PREX1: variants seen among roughly 807,000 people sequenced by gnomAD.
The protein encoded by PREX1 is phosphatidylinositol 3,4,5-trisphosphate-dependent Rac exchanger 1 protein.
Under a neutral mutation model 198.3 loss-of-function variants are expected in PREX1, and 41 were observed. That is an observed-to-expected ratio of 0.21 (90% CI 0.16 to 0.27). PREX1 has a LOEUF of 0.27. PREX1 is among the 10% of genes least tolerant of loss of function. The probability of loss-of-function intolerance (pLI) is 1.00; values close to 1 mark genes in which losing one functional copy is unlikely to be tolerated. For missense variants in PREX1, 1,620 were observed against 2,200.7 expected (o/e 0.74, Z 5.28); for synonymous variants, 843 against 887.2 (o/e 0.95, Z 0.89).
At chr20:48,719,669 C>A (rs555459031) in intron 5 of PREX1, among the ~76,000 whole-genome samples, 1 of 152,118 alleles carries the variant, frequency 6.6e-6, no homozygotes, top group African/African-American at 2.4e-5. Context: ...GGACAATTGT[C>A]CAATAGAAAA....
intron 1 of PREX1, among the ~76,000 whole-genome samples, chr20:48,768,185 T>C (rs1464430588): frequency 6.6e-6 from 1 of 152,202 alleles, no homozygotes; most frequent in Non-Finnish European, 1.5e-5. Context: ...CAGTGTTCTT[T>C]TGAGGATTCA....
intron 13 of PREX1, 75 bp downstream of exon 13, chr20:48,679,285 G>T: frequency 7.4e-7 from 1 of 1,347,642 alleles, no homozygotes; most frequent in Non-Finnish European, 1.1e-6. Context: ...GCTCAGAGAG[G>T]TTAAGTTGCC....
At chr20:48,686,773 G>C (rs2089787531) in intron 10 of PREX1, among the ~76,000 whole-genome samples, 1 of 152,254 alleles carries the variant, frequency 6.6e-6, no homozygotes, top group Admixed American at 6.5e-5. Context: ...GAGGGCAACA[G>C]GGCAATAGAG....
At chr20:48,732,523 G>C (rs1012535513) in intron 4 of PREX1, among the ~76,000 whole-genome samples, 1 of 152,140 alleles carries the variant, frequency 6.6e-6, no homozygotes, top group East Asian at 1.9e-4. Context: ...GTCTGTGACC[G>C]AATGAGAAGG....
the PREX1 span, among the ~76,000 whole-genome samples, chr20:48,859,395 A>G: frequency 7.9e-4 from 121 of 152,226 alleles, no homozygotes; most frequent in African/African-American, 2.7e-3. Flanking sequence ...GTCCCACAAA[A>G]TGCCCCATGA....
intron 14 of PREX1, among the ~76,000 whole-genome samples, chr20:48,669,135 C>G (rs1488769186): frequency 6.6e-6 from 1 of 151,944 alleles, no homozygotes; most frequent in Non-Finnish European, 1.5e-5. Flanking sequence ...CGCCATGCTT[C>G]CCTGCCTTGA....
intron 17 of PREX1, among the ~76,000 whole-genome samples, chr20:48,657,914 C>T (rs1400367514): frequency 6.6e-6 from 1 of 152,232 alleles, no homozygotes; most frequent in South Asian, 2.1e-4. Context: ...AGTGGTGGAA[C>T]ACACCAGGAG....
chr20:48,626,354 G>A (rs2089272448), intron 39 of PREX1, among the ~76,000 whole-genome samples: 2 of 152,248 alleles, frequency 1.3e-5, no homozygotes, highest in Admixed American at 1.3e-4. Flanking sequence ...CAAGCAGACT[G>A]CAATGCTGCA....
chr20:48,764,146 G>A lies in PREX1; in HGVS notation c.220-16266C>T, dbSNP rs186264618. Among the ~76,000 whole-genome samples the A allele has an allele frequency of 2.7e-3, 405 of 152,230 alleles. 2 individuals are homozygous for A. Among genetic ancestry groups the A allele is most frequent in the African/African-American group, 8.4e-3 (348 of 41,532 alleles). Reference sequence around the variant, plus strand: ...GATGGGGCCACATCATTAAAGTTGTGACCCCCAAGCTCCACAAGGGAAGAA... The same window carrying A: ...GATGGGGCCACATCATTAAAGTTGTAACCCCCAAGCTCCACAAGGGAAGAA... On this transcript the variant is annotated intron_variant, in intron 1 of 39. Transcript: ENST00000371941.
At chr20:48,781,807 G>C (rs1171283336) in intron 1 of PREX1, among the ~76,000 whole-genome samples, 1 of 152,204 alleles carries the variant, frequency 6.6e-6, no homozygotes, top group Non-Finnish European at 1.5e-5. Context: ...CTATGAATTT[G>C]CTACGAATTT....
intron 8 of PREX1, among the ~76,000 whole-genome samples, chr20:48,692,087 T>TC (rs2089822226): frequency 6.6e-6 from 1 of 152,080 alleles, no homozygotes; most frequent in Admixed American, 6.6e-5. Flanking sequence ...ACAGGTTTTC[T>TC]CCATGTTGCC....
intron 14 of PREX1, among the ~76,000 whole-genome samples, chr20:48,669,157 G>A (rs116357974): frequency 2.4e-3 from 205 of 84,168 alleles, no homozygotes; most frequent in African/African-American, 9.5e-3. Flanking sequence ...TCCCCCACCC[G>A]CCTGCCCACC....
chr20:48,864,173 C>A, the PREX1 span, among the ~76,000 whole-genome samples: 1 of 152,182 alleles, frequency 6.6e-6, no homozygotes. Flanking sequence ...AAATTTCGAT[C>A]TTTCATTTCA....
chr20:48,644,688 G>A (rs6019345), intron 26 of PREX1, among the ~76,000 whole-genome samples, 191 bp from the exon 27 acceptor site: 23,208 of 152,242 alleles, frequency 0.15, 3,345 homozygotes, highest in African/African-American at 0.38. Context: ...GGTTTTCCAC[G>A]CCTGAGGGCT....
At chr20:48,759,547 C>A in intron 1 of PREX1, among the ~76,000 whole-genome samples, 1 of 71,560 alleles carries the variant, frequency 1.4e-5, no homozygotes, top group Non-Finnish European at 3.0e-5. Context: ...AAGATTCCAT[C>A]TCAAAAAAAA....
At chr20:48,644,558 A>G in intron 26 of PREX1, 61 bp from the exon 27 acceptor site, 1 of 1,452,786 alleles carries the variant, frequency 6.9e-7, no homozygotes, top group Non-Finnish European at 9.5e-7. Flanking sequence ...TGGTCCTGGC[A>G]CCCAAAACCC....
chr20:48,641,131 A>G (rs1451782972), intron 29 of PREX1, among the ~76,000 whole-genome samples: 1 of 151,952 alleles, frequency 6.6e-6, no homozygotes, highest in Non-Finnish European at 1.5e-5. Flanking sequence ...ATGGGAGGAG[A>G]GGTAGGTGGG....
At chr20:48,714,773 T>A (rs573743271) in intron 5 of PREX1, among the ~76,000 whole-genome samples, 3 of 152,346 alleles carry the variant, frequency 2.0e-5, no homozygotes, top group African/African-American at 7.2e-5. Flanking sequence ...TGTGAGCCTA[T>A]TTATTTTTTA....
intron 3 of PREX1, among the ~76,000 whole-genome samples, chr20:48,743,838 T>C (rs2090093737): frequency 6.6e-6 from 1 of 152,246 alleles, no homozygotes; most frequent in Non-Finnish European, 1.5e-5. Flanking sequence ...AGAGAGTGGC[T>C]GGCCCTTGGC....
Sources: gnomAD v4.1 joint callset for allele counts (sites outside exome capture counted in the v4.1 genomes callset) on GRCh38, gnomAD v4.1.1 for gene constraint, MANE v1.5 for transcripts, NCBI Gene and HGNC (gene_info 2026-07-23, HGNC 2026-07-21) for gene names.